HYCC2: variants seen among roughly 807,000 people sequenced by gnomAD.
HYCC2 encodes the protein hyccin PI4KA lipid kinase complex subunit 2.
the HYCC2 span, among the ~76,000 whole-genome samples, chr2:201,035,083 G>C: frequency 6.6e-6 from 1 of 152,076 alleles, no homozygotes; most frequent in African/African-American, 2.4e-5. Flanking sequence ...ATGTGTCTTG[G>C]AGTTGCTCCT....
the HYCC2 span, among the ~76,000 whole-genome samples, chr2:200,991,287 T>C: frequency 2.0e-5 from 3 of 152,156 alleles, no homozygotes; most frequent in East Asian, 1.9e-4. Context: ...CTGTTCAACA[T>C]AGTGAAACTC....
At chr2:201,049,510 C>T in the HYCC2 span, among the ~76,000 whole-genome samples, 61 of 150,584 alleles carry the variant, frequency 4.1e-4, no homozygotes, top group African/African-American at 1.4e-3. Context: ...GCCACCACCC[C>T]GGTTTTTTTT....
chr2:201,037,860 A>T, the HYCC2 span, among the ~76,000 whole-genome samples: 1 of 152,168 alleles, frequency 6.6e-6, no homozygotes, highest in East Asian at 1.9e-4. Flanking sequence ...AAACACCAAA[A>T]GTAATGGCAA....
At chr2:201,061,775 A>T in the HYCC2 span, among the ~76,000 whole-genome samples, 1 of 152,096 alleles carries the variant, frequency 6.6e-6, no homozygotes, top group Non-Finnish European at 1.5e-5. Context: ...AAATAAACTG[A>T]TCTCTCTGTG....
At chr2:201,000,075 A>AAAAAAG in the HYCC2 span, among the ~76,000 whole-genome samples, 1 of 149,620 alleles carries the variant, frequency 6.7e-6, no homozygotes, top group African/African-American at 2.5e-5. Flanking sequence ...AAAAAAAAAA[A>AAAAAAG]AAAAAGAAAT....
the HYCC2 span, among the ~76,000 whole-genome samples, chr2:201,042,301 C>A: frequency 1.3e-5 from 2 of 152,184 alleles, no homozygotes; most frequent in African/African-American, 4.8e-5. Context: ...GATCTCGGAT[C>A]GCTACAACCT....
chr2:201,006,295 A>ATT, the HYCC2 span, among the ~76,000 whole-genome samples: 1,931 of 134,756 alleles, frequency 0.014, 19 homozygotes, highest in Non-Finnish European at 0.017. Flanking sequence ...CGCCTGGTTA[A>ATT]TTTTTTTTTT....
At chr2:200,987,502 G>A in the HYCC2 span, 6 of 1,289,760 alleles carry the variant, frequency 4.7e-6, no homozygotes, top group Admixed American at 4.6e-5. Context: ...AGGAATACTC[G>A]AGTCAGCCTC....
the HYCC2 span, among the ~76,000 whole-genome samples, chr2:201,033,810 A>T: frequency 2.6e-5 from 4 of 152,106 alleles, no homozygotes; most frequent in Non-Finnish European, 5.9e-5. Flanking sequence ...AAGTGCTGAA[A>T]TTACAGGCAT....
At chr2:201,028,391 G>A in the HYCC2 span, among the ~76,000 whole-genome samples, 1 of 152,054 alleles carries the variant, frequency 6.6e-6, no homozygotes, top group Non-Finnish European at 1.5e-5. Flanking sequence ...TACTACCCAA[G>A]GTAATTTATA....
the HYCC2 span, chr2:201,011,503 A>ACG: frequency 2.7e-6 from 3 of 1,105,080 alleles, no homozygotes; most frequent in Non-Finnish European, 3.7e-6. Flanking sequence ...AAGATAATGA[A>ACG]ATAATCACAG....
At chr2:201,017,062 G>A in the HYCC2 span, 23 of 1,613,994 alleles carry the variant, frequency 1.4e-5, no homozygotes, top group Admixed American at 1.5e-4. Flanking sequence ...ACTGTAAGCC[G>A]TAAATAAACC....
the HYCC2 span, among the ~76,000 whole-genome samples, chr2:201,070,808 A>T: frequency 3.9e-5 from 6 of 152,260 alleles, no homozygotes; most frequent in African/African-American, 1.2e-4. Context: ...GTACATTTTT[A>T]AAGGATTCCC....
At chr2:201,009,370 G>A in the HYCC2 span, 81 of 250,496 alleles carry the variant, frequency 3.2e-4, 1 homozygote, top group African/African-American at 1.4e-3. Context: ...AAAAACTAAA[G>A]GTTAAAAATA....
At chr2:200,978,884 G>A in the HYCC2 span, 1 of 152,000 alleles carries the variant, frequency 6.6e-6, no homozygotes, top group South Asian at 2.1e-4. Context: ...GTATTATGTG[G>A]TATTTCTTTT....
chr2:201,047,667 A>G, the HYCC2 span, among the ~76,000 whole-genome samples: 2 of 151,616 alleles, frequency 1.3e-5, no homozygotes, highest in Non-Finnish European at 2.9e-5. Context: ...GAAGGGAAGA[A>G]GTAAGGATGG....
the HYCC2 span, chr2:201,009,291 T>C: frequency 5.0e-6 from 2 of 402,224 alleles, no homozygotes; most frequent in Non-Finnish European, 4.6e-6. Context: ...CTGTAAAATA[T>C]AAAACTAAAA....
chr2:201,040,020 A>T, the HYCC2 span, among the ~76,000 whole-genome samples: 1 of 152,080 alleles, frequency 6.6e-6, no homozygotes, highest in African/African-American at 2.4e-5. Flanking sequence ...TAAAAATACA[A>T]ACAATTAGCC....
chr2:201,062,542 T>G, the HYCC2 span, among the ~76,000 whole-genome samples: 1 of 151,908 alleles, frequency 6.6e-6, no homozygotes, highest in Non-Finnish European at 1.5e-5. Flanking sequence ...TCCCAGCTAC[T>G]TGGGAGGCTG....
Sources: allele counts gnomAD v4.1 joint callset (sites outside exome capture counted in the v4.1 genomes callset), GRCh38; gene constraint gnomAD v4.1.1; transcripts MANE v1.5; gene names NCBI Gene and HGNC (gene_info 2026-07-23, HGNC 2026-07-21).